SLC24A2: variants seen among roughly 807,000 people sequenced by gnomAD.
SLC24A2 encodes sodium/potassium/calcium exchanger 2.
SLC24A2 carries 36 observed loss-of-function variants against 62.0 expected under a neutral mutation model. That is an observed-to-expected ratio of 0.58 (90% CI 0.44 to 0.77). The LOEUF (loss-of-function observed/expected upper bound fraction) is 0.77. Among genes scored for constraint, SLC24A2 ranks in the 30% least tolerant of loss-of-function variants. The probability of loss-of-function intolerance (pLI) is 0.00; values close to 1 mark genes in which losing one functional copy is unlikely to be tolerated. For synonymous variants in SLC24A2, 358 were observed against 294.0 expected, an observed-to-expected ratio of 1.22 and a Z score of -2.23; for missense variants, 846 against 817.9, an observed-to-expected ratio of 1.03 and a Z score of -0.42.
At chr9:19,619,797 A>G in intron 3 of SLC24A2, 105 bp from the exon 4 acceptor site, 1 of 840,298 alleles carries the variant, frequency 1.2e-6, no homozygotes. Context: ...CTGTCGCATG[A>G]TCACACAGTA....
At chr9:20,169,983 A>G in the SLC24A2 span, among the ~76,000 whole-genome samples, 1 of 152,078 alleles carries the variant, frequency 6.6e-6, no homozygotes, top group East Asian at 1.9e-4. Context: ...CAGCATAAGC[A>G]AAAACAATCA....
At chr9:19,598,704 T>C (rs1356979800) in intron 4 of SLC24A2, among the ~76,000 whole-genome samples, 1 of 152,118 alleles carries the variant, frequency 6.6e-6, no homozygotes, top group Non-Finnish European at 1.5e-5. Context: ...TATATTCTGG[T>C]ATTTTAAGAA....
the SLC24A2 span, among the ~76,000 whole-genome samples, chr9:19,944,375 A>G: frequency 1.4e-4 from 21 of 151,724 alleles, no homozygotes; most frequent in Non-Finnish European, 1.9e-4. Flanking sequence ...AAACCTCAAC[A>G]TCATGCAATA....
the SLC24A2 span, among the ~76,000 whole-genome samples, chr9:20,204,937 G>T: frequency 1.3e-5 from 2 of 151,794 alleles, no homozygotes; most frequent in African/African-American, 4.8e-5. Context: ...AGTACAGACG[G>T]GGTTTCACCA....
chr9:20,275,572 C>A, the SLC24A2 span, among the ~76,000 whole-genome samples: 1 of 152,164 alleles, frequency 6.6e-6, no homozygotes, highest in East Asian at 1.9e-4. Context: ...CTGATGAGGC[C>A]TTTTTCCTCA....
chr9:19,653,595 C>G (rs565896968), intron 2 of SLC24A2, among the ~76,000 whole-genome samples: 1 of 152,332 alleles, frequency 6.6e-6, no homozygotes, highest in South Asian at 2.1e-4. Context: ...GCTATGCTGA[C>G]AAGCTTGATA....
the SLC24A2 span, among the ~76,000 whole-genome samples, chr9:20,185,676 AAAAAG>A: frequency 1.3e-5 from 2 of 151,622 alleles, no homozygotes; most frequent in African/African-American, 2.4e-5. Flanking sequence ...AAAAAAAAAA[AAAAAG>A]AAAAGAAAAG....
chr9:19,979,982 G>A, the SLC24A2 span, among the ~76,000 whole-genome samples: 11 of 152,308 alleles, frequency 7.2e-5, 1 homozygote, highest in African/African-American at 2.6e-4. Context: ...AAATAGAGTT[G>A]ATTCAATTTC....
chr9:19,514,478 C>T lies in SLC24A2; in HGVS notation c.*1675G>A, dbSNP rs1832851529. The stretch of plus-strand genomic sequence containing the variant: ...ATGACTTGGAGAAAAGAAAAGTGCT[C>T]TACATAGTTTTCCATTGATTCAGTT... On this transcript the variant is annotated 3_prime_UTR_variant, in exon 11 of 11. Coordinates refer to ENST00000341998, the MANE Select transcript of SLC24A2 (RefSeq NM_020344.4). 1 of 152,180 alleles carries T rather than the reference C, an allele frequency of 6.6e-6. No homozygotes were observed. Among genetic ancestry groups the T allele is most frequent in the South Asian group, 2.1e-4 (1 of 4,824 alleles). 9.4% of individuals were successfully genotyped at this position (152,180 alleles called of 1,614,324 possible). A position where few individuals can be genotyped will look rare whatever the true frequency, so the allele number is the denominator to read the frequency against.
At chr9:20,076,109 A>AT in the SLC24A2 span, among the ~76,000 whole-genome samples, 2 of 152,070 alleles carry the variant, frequency 1.3e-5, no homozygotes, top group East Asian at 3.9e-4. Flanking sequence ...TTTTCTGAAT[A>AT]TTTTTGAGCT....
intron 7 of SLC24A2, among the ~76,000 whole-genome samples, chr9:19,570,709 G>A (rs1243836623): frequency 3.3e-5 from 5 of 152,148 alleles, no homozygotes; most frequent in Non-Finnish European, 5.9e-5. Flanking sequence ...TATGATAGCT[G>A]CAATGAAGCA....
chr9:19,788,825 T>C, intron 1 of SLC24A2, 60 bp downstream of exon 1: 1 of 985,396 alleles, frequency 1.0e-6, no homozygotes, highest in Non-Finnish European at 1.2e-6. Flanking sequence ...GCAACCGGGA[T>C]GCGGGGACGA....
the SLC24A2 span, among the ~76,000 whole-genome samples, chr9:20,068,149 C>T: frequency 9.9e-5 from 15 of 150,762 alleles, no homozygotes; most frequent in African/African-American, 2.4e-4. Context: ...CTGCAGCCTC[C>T]GCCTCCTGGG....
the SLC24A2 span, among the ~76,000 whole-genome samples, chr9:19,844,210 T>C: frequency 6.6e-6 from 1 of 152,210 alleles, no homozygotes; most frequent in East Asian, 1.9e-4. Context: ...TTTTTAACGA[T>C]AGCCATTCTG....
chr9:19,528,130 C>A lies in SLC24A2; in HGVS notation c.1488G>T (p.Arg496Ser). The A allele has an allele frequency of 1.3e-6, 2 of 1,580,588 alleles. No homozygotes were observed. The highest frequency in any genetic ancestry group is 1.7e-6 in the Non-Finnish European group (2 of 1,160,096). Residue 496 changes from arginine (R) to serine (S), a missense_variant, in exon 9 of 11, where the codon AGG becomes AGT. Coordinates refer to ENST00000341998, the MANE Select transcript of SLC24A2 (RefSeq NM_020344.4). ...CAAAGAACGTGATGGGAAAAAACTT[C>A]CTCGATGACTGAAAGACAACCAGGA... ...TLPDVRKPSS[R>S]KFFPITFFGS...
chr9:20,079,539 A>C, the SLC24A2 span, among the ~76,000 whole-genome samples: 1 of 152,224 alleles, frequency 6.6e-6, no homozygotes, highest in African/African-American at 2.4e-5. Flanking sequence ...CCACAAAAAT[A>C]TTAACTCCTC....
chr9:19,890,653 C>T, the SLC24A2 span, among the ~76,000 whole-genome samples: 1 of 152,056 alleles, frequency 6.6e-6, no homozygotes, highest in South Asian at 2.1e-4. Context: ...TGTGTGATCT[C>T]ATTCCATCAC....
chr9:19,523,639 T>G (rs1022099263), intron 9 of SLC24A2, among the ~76,000 whole-genome samples: 2 of 152,036 alleles, frequency 1.3e-5, no homozygotes, highest in African/African-American at 2.4e-5. Flanking sequence ...ATTTTTGCAT[T>G]TTTAGTAGAG....
At chr9:19,824,596 G>C in the SLC24A2 span, among the ~76,000 whole-genome samples, 1 of 152,192 alleles carries the variant, frequency 6.6e-6, no homozygotes, top group African/African-American at 2.4e-5. Flanking sequence ...TTCAACCATT[G>C]TGGAAGACAG....
Sources: allele counts gnomAD v4.1 joint callset (sites outside exome capture counted in the v4.1 genomes callset), GRCh38; gene constraint gnomAD v4.1.1; transcripts MANE v1.5; gene names NCBI Gene and HGNC (gene_info 2026-07-23, HGNC 2026-07-21).